The following RBFOX1 variants were observed in gnomAD, a reference collection of about 807,000 sequenced individuals.
RBFOX1 encodes RNA binding protein fox-1 homolog 1.
A neutral mutation model predicts 57.7 loss-of-function variants in RBFOX1; 8 were observed. That is an observed-to-expected ratio of 0.14 (90% CI 0.08 to 0.25). RBFOX1 has a LOEUF of 0.25. Ranked by LOEUF, RBFOX1 falls within the 10% of genes least tolerant of loss-of-function variation. RBFOX1 has a pLI of 1.00. For synonymous variants in RBFOX1, 326 were observed against 222.4 expected (o/e 1.47, Z -4.15); for missense variants, 611 against 548.5 (o/e 1.11, Z -1.14).
At chr16:6,107,241 G>A (rs910803278) in intron 1 of RBFOX1, among the ~76,000 whole-genome samples, 3 of 151,996 alleles carry the variant, frequency 2.0e-5, no homozygotes, top group African/African-American at 7.3e-5. Flanking sequence ...TGACCCCCTA[G>A]TACCTGATGA....
intron 3 of RBFOX1, among the ~76,000 whole-genome samples, chr16:7,024,760 A>G (rs73538917): frequency 0.037 from 5,584 of 152,238 alleles, 355 homozygotes; most frequent in African/African-American, 0.13. Context: ...CAGACAGTGC[A>G]TTCAATGTTG....
At chr16:6,997,876 TTGTC>T (rs1352478380) in intron 3 of RBFOX1, among the ~76,000 whole-genome samples, 1 of 152,118 alleles carries the variant, frequency 6.6e-6, no homozygotes, top group Non-Finnish European at 1.5e-5. Flanking sequence ...ACCAGTTTAA[TTGTC>T]TGAAGGTTGT....
chr16:6,867,414 A>C, intron 3 of RBFOX1, among the ~76,000 whole-genome samples: 1 of 150,976 alleles, frequency 6.6e-6, no homozygotes, highest in East Asian at 2.0e-4. Flanking sequence ...TGAGAAACTA[A>C]TGAGGATTAA....
At chr16:7,599,471 T>C (rs995110124) in intron 9 of RBFOX1, among the ~76,000 whole-genome samples, 3 of 152,066 alleles carry the variant, frequency 2.0e-5, no homozygotes, top group Non-Finnish European at 4.4e-5. Context: ...TTTAACACAA[T>C]TCAAAGCCCA....
intron 2 of RBFOX1, among the ~76,000 whole-genome samples, chr16:5,568,095 C>A (rs1366119441): frequency 6.6e-6 from 1 of 152,226 alleles, no homozygotes; most frequent in East Asian, 1.9e-4. Flanking sequence ...AGCTCACAAA[C>A]CTTCGCTGGC....
chr16:7,210,348 C>T (rs1171712456), intron 4 of RBFOX1, among the ~76,000 whole-genome samples: 1 of 152,128 alleles, frequency 6.6e-6, no homozygotes, highest in Non-Finnish European at 1.5e-5. Context: ...CAGCGTGGAC[C>T]ACACTGTGGT....
intron 4 of RBFOX1, among the ~76,000 whole-genome samples, chr16:5,880,794 A>C (rs1244263954): frequency 2.6e-5 from 4 of 152,248 alleles, no homozygotes; most frequent in Non-Finnish European, 4.4e-5. Flanking sequence ...CAAAATACTT[A>C]GAATCACAAA....
intron 3 of RBFOX1, among the ~76,000 whole-genome samples, chr16:5,624,981 G>C (rs1183621943): frequency 6.6e-6 from 1 of 152,170 alleles, no homozygotes; most frequent in Non-Finnish European, 1.5e-5. Flanking sequence ...GTGTGATTGA[G>C]GGTGACTCTC....
chr16:6,866,764 G>A lies in RBFOX1; in HGVS notation c.-15-185293G>A, dbSNP rs574984141. ...TCACCGTGTTAGCCAGGATGGTCTC[G>A]ATCTCCTGACCTCGTGATCTGCCTG... is the stretch of plus-strand genomic sequence containing the variant. On this transcript the variant is annotated intron_variant, in intron 3 of 15. Transcript: ENST00000550418. Among the ~76,000 whole-genome samples, 25 of 151,772 alleles carry A rather than the reference G, an allele frequency of 1.6e-4. No homozygotes were observed. The South Asian group carries it at 2.1e-3, about 13-fold the overall frequency.
intron 4 of RBFOX1, among the ~76,000 whole-genome samples, chr16:5,954,126 G>C (rs1238249480): frequency 1.3e-5 from 2 of 152,172 alleles, no homozygotes; most frequent in African/African-American, 4.8e-5. Flanking sequence ...AAACGTCAGT[G>C]GTGCTGAGGT....
At chr16:6,873,463 T>A (rs1023870169) in intron 3 of RBFOX1, among the ~76,000 whole-genome samples, 2 of 152,204 alleles carry the variant, frequency 1.3e-5, no homozygotes, top group African/African-American at 4.8e-5. Context: ...TTCAGTTTTA[T>A]GTGTATCTTC....
chr16:7,156,650 C>G (rs893333096), intron 4 of RBFOX1, among the ~76,000 whole-genome samples: 1 of 151,992 alleles, frequency 6.6e-6, no homozygotes, highest in East Asian at 1.9e-4. Flanking sequence ...GTATAATACA[C>G]TACATTTAAT....
intron 3 of RBFOX1, among the ~76,000 whole-genome samples, chr16:6,927,139 G>A (rs552335518): frequency 6.6e-6 from 1 of 152,160 alleles, no homozygotes; most frequent in East Asian, 1.9e-4. Flanking sequence ...TAGAGACTTA[G>A]AGGGTCCCCA....
At chr16:7,359,044 C>A (rs1285581985) in intron 4 of RBFOX1, among the ~76,000 whole-genome samples, 1 of 152,164 alleles carries the variant, frequency 6.6e-6, no homozygotes, top group African/African-American at 2.4e-5. Context: ...CTTCCTTCAA[C>A]CTTGACTCAC....
intron 2 of RBFOX1, among the ~76,000 whole-genome samples, chr16:5,582,889 C>A (rs545819133): frequency 1.2e-3 from 182 of 152,292 alleles, no homozygotes; most frequent in African/African-American, 4.2e-3. Context: ...CTTAGGCTTA[C>A]CCTCTGTGGG....
At chr16:7,301,965 A>T (rs1172945588) in intron 4 of RBFOX1, among the ~76,000 whole-genome samples, 3 of 152,166 alleles carry the variant, frequency 2.0e-5, no homozygotes, top group Admixed American at 2.0e-4. Context: ...GGGAATTCTT[A>T]TATTATTTGT....
chr16:6,401,945 G>C (rs1028829225), intron 2 of RBFOX1, among the ~76,000 whole-genome samples: 1 of 151,840 alleles, frequency 6.6e-6, no homozygotes, highest in Non-Finnish European at 1.5e-5. Flanking sequence ...AAAATACCCA[G>C]GGAGATTAAG....
intron 3 of RBFOX1, among the ~76,000 whole-genome samples, chr16:6,985,654 C>G (rs770242605): frequency 6.6e-6 from 1 of 151,772 alleles, no homozygotes; most frequent in Non-Finnish European, 1.5e-5. Context: ...GTGGCAAAAC[C>G]CCATCTCTAC....
At chr16:7,696,675 C>T (rs2078907714) in intron 14 of RBFOX1, among the ~76,000 whole-genome samples, 1 of 151,898 alleles carries the variant, frequency 6.6e-6, no homozygotes, top group Admixed American at 6.6e-5. Flanking sequence ...GAACAGATCC[C>T]AAAGCACGTA....
Sources: allele counts gnomAD v4.1 joint callset (sites outside exome capture counted in the v4.1 genomes callset), GRCh38; gene constraint gnomAD v4.1.1; transcripts MANE v1.5; gene names NCBI Gene and HGNC (gene_info 2026-07-23, HGNC 2026-07-21).